The following LRRC56 variants were observed in gnomAD, a reference collection of about 807,000 sequenced individuals.
LRRC56 encodes the protein leucine-rich repeat-containing protein 56.
Under a neutral mutation model 47.8 loss-of-function variants are expected in LRRC56, and 41 were observed. The observed-to-expected ratio is 0.86, with a 90% CI of 0.67 to 1.11. The LOEUF is 1.11. Ranked by LOEUF, LRRC56 falls within the 50% of genes most tolerant of loss-of-function variation. The probability of loss-of-function intolerance (pLI) is 0.00; values close to 1 mark genes in which losing one functional copy is unlikely to be tolerated. For synonymous variants in LRRC56, 387 were observed against 311.2 expected (o/e 1.24, Z -2.56); for missense variants, 759 against 704.2 (o/e 1.08, Z -0.88).
chr11:545,485 G>A (rs916550111), intron 6 of LRRC56, among the ~76,000 whole-genome samples: 3 of 151,960 alleles, frequency 2.0e-5, no homozygotes, highest in African/African-American at 7.3e-5. Context: ...CACAGCCAGA[G>A]CCTGTGTAAA....
the LRRC56 span, among the ~76,000 whole-genome samples, chr11:520,454 G>A: frequency 9.2e-5 from 14 of 152,022 alleles, no homozygotes; most frequent in Non-Finnish European, 1.6e-4. Flanking sequence ...CCGAGTAGCT[G>A]GGATTACGTG....
Position 541,260 on chromosome 11 carries a change from C to T in LRRC56, c.178-277C>T, listed in dbSNP as rs915630236. Reference sequence around the variant, plus strand: ...CCGGCGCGGTCCGGGCTCTGGGTGCCGGGTGTGGTGTGTCTGCCCTGGGAG... The same window carrying T: ...CCGGCGCGGTCCGGGCTCTGGGTGCTGGGTGTGGTGTGTCTGCCCTGGGAG... On this transcript the variant is annotated intron_variant, in intron 4 of 13. Coordinates refer to ENST00000270115, the MANE Select transcript of LRRC56 (RefSeq NM_198075.4). This position sits in a 1 kb window ranked among gnomAD's most constrained non-coding sequence, Gnocchi z 4.1. Among the ~76,000 whole-genome samples the T allele has an allele frequency of 6.6e-5, 10 of 152,164 alleles. No homozygotes were observed. Among genetic ancestry groups the T allele is most frequent in the East Asian group, 1.9e-4 (1 of 5,190 alleles).
the LRRC56 span, among the ~76,000 whole-genome samples, chr11:527,810 C>T: frequency 6.6e-6 from 1 of 151,876 alleles, no homozygotes; most frequent in African/African-American, 2.4e-5. Flanking sequence ...AATCGATTCT[C>T]CTGCCTCAGC....
chr11:547,240 G>A (rs773203367), intron 6 of LRRC56, among the ~76,000 whole-genome samples: 9 of 151,322 alleles, frequency 5.9e-5, no homozygotes, highest in Admixed American at 3.3e-4. Flanking sequence ...TCAAAAAACC[G>A]TAAAAAACAA....
chr11:507,707 C>T, the LRRC56 span, among the ~76,000 whole-genome samples: 1 of 152,236 alleles, frequency 6.6e-6, no homozygotes, highest in African/African-American at 2.4e-5. Context: ...GGGGCGGCTC[C>T]GCATGTCGGG....
the LRRC56 span, among the ~76,000 whole-genome samples, chr11:519,032 C>T: frequency 1.3e-5 from 2 of 151,300 alleles, no homozygotes; most frequent in Non-Finnish European, 3.0e-5. Flanking sequence ...TCTCCGAAAG[C>T]CGCGAGGGCA....
chr11:549,793 G>A, intron 6 of LRRC56, 109 bp from the exon 7 acceptor site: 2 of 865,344 alleles, frequency 2.3e-6, no homozygotes, highest in South Asian at 1.5e-5. Context: ...CAGTCTAGAG[G>A]CCACCATAGG....
At chr11:552,826 AG>A in intron 13 of LRRC56, 124 bp downstream of exon 13, 1 of 857,534 alleles carries the variant, frequency 1.2e-6, no homozygotes, top group Non-Finnish European at 1.8e-6. Context: ...ATGCTCTGAG[AG>A]GGACTGTAAC....
In LRRC56 at chr11:552,580, A is replaced by G. The variant is rs1248498807; in HGVS notation, c.1193A>G (p.Tyr398Cys). The G allele has an allele frequency of 1.9e-6, 3 of 1,604,498 alleles. No individual in the cohort carries two copies. The highest frequency in any genetic ancestry group is 2.7e-5 in the African/African-American group (2 of 74,666). ...WREHGVRPLP[Y>C]RHPESQQEGA... Reference sequence around the variant, plus strand: ...TCTCCCCACCCTAGCCCCCTCCCCTATAGGCACCCGGAGTCCCAACAGGAA... The same window carrying G: ...TCTCCCCACCCTAGCCCCCTCCCCTGTAGGCACCCGGAGTCCCAACAGGAA... The change falls in exon 13 of 14, where the codon TAT becomes TGT. Residue 398 changes from tyrosine (Y) to cysteine (C), a missense_variant. Physicochemically the swap from Tyr to Cys is radical, Grantham distance 194. Coordinates refer to ENST00000270115, the MANE Select transcript of LRRC56 (RefSeq NM_198075.4).
the LRRC56 span, among the ~76,000 whole-genome samples, chr11:513,904 C>T: frequency 1.3e-5 from 2 of 151,894 alleles, no homozygotes; most frequent in Non-Finnish European, 2.9e-5. Flanking sequence ...CAGCCACAAA[C>T]AAGACCTTCC....
At chr11:528,711 C>A in the LRRC56 span, 1 of 152,314 alleles carries the variant, frequency 6.6e-6, no homozygotes, top group Non-Finnish European at 1.5e-5. Context: ...GTTAGTGGGG[C>A]AGCCAGGCCT....
chr11:542,460 TAGAC>T (rs1053153325), intron 5 of LRRC56, among the ~76,000 whole-genome samples: 4 of 151,092 alleles, frequency 2.6e-5, no homozygotes, highest in East Asian at 1.9e-4. Context: ...AATAAAAAAT[TAGAC>T]AGGCATGATG....
intron 6 of LRRC56, among the ~76,000 whole-genome samples, chr11:545,875 C>A (rs1459951523): frequency 6.6e-6 from 1 of 152,176 alleles, no homozygotes; most frequent in African/African-American, 2.4e-5. Flanking sequence ...GCTCCAAGGG[C>A]CACATCTAGT....
the LRRC56 span, among the ~76,000 whole-genome samples, chr11:525,094 CAAA>C: frequency 8.0e-6 from 1 of 125,332 alleles, no homozygotes; most frequent in Non-Finnish European, 1.7e-5. Context: ...GACTCCGTCT[CAAA>C]AAAAAAAAAA....
At chr11:536,953 G>C (rs990525182), upstream of LRRC56, 1 of 152,198 alleles carries the variant, frequency 6.6e-6, no homozygotes, top group African/African-American at 2.4e-5. Context: ...GCATGAACGC[G>C]AGTGAGAAGC....
At chr11:552,345 C>A in intron 12 of LRRC56, 113 bp downstream of exon 12, 1 of 1,393,194 alleles carries the variant, frequency 7.2e-7, no homozygotes, top group Non-Finnish European at 9.8e-7. Context: ...ACCATCCCTG[C>A]ATGTCCTGTC....
At chr11:518,680 G>A in the LRRC56 span, among the ~76,000 whole-genome samples, 1 of 152,136 alleles carries the variant, frequency 6.6e-6, no homozygotes, top group Admixed American at 6.5e-5. Flanking sequence ...AGGGGAGGAG[G>A]CACGCACGAG....
chr11:514,326 G>A, the LRRC56 span, among the ~76,000 whole-genome samples: 1 of 151,126 alleles, frequency 6.6e-6, no homozygotes, highest in Non-Finnish European at 1.5e-5. Context: ...TTGCTTTGTT[G>A]CCCAGACTAG....
Position 540,761 on chromosome 11 carries a change from A to G in LRRC56, c.77A>G (p.Gln26Arg). 1 of 1,611,414 alleles carries G rather than the reference A, an allele frequency of 6.2e-7. No individual in the cohort carries two copies. The highest frequency in any genetic ancestry group is 8.5e-7 in the Non-Finnish European group (1 of 1,179,508). Residue 26 changes from glutamine (Q) to arginine (R), a missense_variant, in exon 4 of 14, where the codon CAA becomes CGA. Transcript: ENST00000270115. ...GTCCGGGTGCGGGAGCTGAGCTGGC[A>G]AGGCCTGCACAACCCCTGCCCACAG... is the stretch of plus-strand genomic sequence containing the variant. ...SSVRVRELSW[Q>R]GLHNPCPQSK... is the part of the protein sequence containing the mutation.
Sources: gnomAD v4.1 joint callset for allele counts (sites outside exome capture counted in the v4.1 genomes callset) on GRCh38, gnomAD v4.1.1 for gene constraint, Gnocchi (gnomAD v3.1) non-coding constraint, MANE v1.5 for transcripts, NCBI Gene and HGNC (gene_info 2026-07-23, HGNC 2026-07-21) for gene names.